Variants in HS6ST3 observed in about 807,000 individuals in gnomAD.
The protein encoded by HS6ST3 is heparan sulfate 6-O-sulfotransferase 3.
HS6ST3 carries 12 observed loss-of-function variants against 36.7 expected under a neutral mutation model. The observed-to-expected ratio is 0.33, with a 90% CI of 0.21 to 0.53. HS6ST3 has a LOEUF of 0.53. HS6ST3 is among the 20% of genes least tolerant of loss of function. HS6ST3 has a pLI of 0.95. For missense variants in HS6ST3, 584 were observed against 640.9 expected, an observed-to-expected ratio of 0.91 and a Z score of 0.96; for synonymous variants, 240 against 257.5, an observed-to-expected ratio of 0.93 and a Z score of 0.65.
Position 96,569,192 on chromosome 13 carries a change from C to T in HS6ST3, c.708-263298C>T, listed in dbSNP as rs143907332. Among the ~76,000 whole-genome samples, 398 of 152,296 alleles carry T rather than the reference C, an allele frequency of 2.6e-3. 1 individual carries two copies. The highest frequency in any genetic ancestry group is 9.1e-3 in the African/African-American group (377 of 41,558). On this transcript the variant is annotated intron_variant, in intron 1 of 1. Transcript: ENST00000376705. ...GGCATCATACTGAGCTTCTACTAGA[C>T]GTTCAATAGCTACTTGCCAAATTAC...
intron 1 of HS6ST3, among the ~76,000 whole-genome samples, chr13:96,786,995 ATGACCTTTTT>A (rs1877669075): frequency 6.6e-6 from 1 of 152,152 alleles, no homozygotes. Context: ...TCCATTTGAA[ATGACCTTTTT>A]TCACATAGCA....
rs539868601 is a variant in HS6ST3, at chr13:96,836,645, T to C, written c.*3447T>C. On this transcript the variant is annotated 3_prime_UTR_variant, in exon 2 of 2. Coordinates refer to ENST00000376705, the MANE Select transcript of HS6ST3 (RefSeq NM_153456.4). The stretch of plus-strand genomic sequence containing the variant: ...CCTTTAAGGTAATTTTTAAAAAAAA[T>C]CTGAGTAGAGATAGTACTAATATTG... 3 of 152,140 alleles carry C rather than the reference T, an allele frequency of 2.0e-5. No individual in the cohort carries two copies. Among genetic ancestry groups the C allele is most frequent in the Non-Finnish European group, 4.4e-5 (3 of 68,010 alleles). The allele number at this position is 152,140 out of a possible 1,614,324, so 9.4% of individuals were successfully genotyped here. A position where few individuals can be genotyped will look rare whatever the true frequency, so the allele number is the denominator to read the frequency against.
intron 1 of HS6ST3, among the ~76,000 whole-genome samples, chr13:96,440,395 G>C (rs1315023805): frequency 6.7e-6 from 1 of 148,716 alleles, no homozygotes; most frequent in African/African-American, 2.5e-5. Flanking sequence ...GCAGTGAGTC[G>C]AGGTTGTGCC....
chr13:96,169,872 A>T (rs1349388919), intron 1 of HS6ST3: 6 of 152,248 alleles, frequency 3.9e-5, no homozygotes, highest in African/African-American at 1.2e-4. Context: ...AAATAAGATA[A>T]AATTTTTTAA....
At chr13:96,108,941 T>C (rs2139298994) in intron 1 of HS6ST3, among the ~76,000 whole-genome samples, 1 of 142,926 alleles carries the variant, frequency 7.0e-6, no homozygotes, top group Admixed American at 7.0e-5. Context: ...GTTAAATCTG[T>C]GACAACCACT....
chr13:96,807,702 G>A (rs1226511970), intron 1 of HS6ST3, among the ~76,000 whole-genome samples: 1 of 151,926 alleles, frequency 6.6e-6, no homozygotes, highest in East Asian at 1.9e-4. Context: ...GCACAGAAAT[G>A]AAAAATACAA....
chr13:96,587,235 CTTTA>C (rs1250196453), intron 1 of HS6ST3, among the ~76,000 whole-genome samples: 2 of 151,776 alleles, frequency 1.3e-5, no homozygotes, highest in Non-Finnish European at 2.9e-5. Context: ...ATGCCTCCAG[CTTTA>C]TTTATTTATT....
At chr13:96,676,644 C>T (rs185601053) in intron 1 of HS6ST3, among the ~76,000 whole-genome samples, 1 of 152,182 alleles carries the variant, frequency 6.6e-6, no homozygotes, top group African/African-American at 2.4e-5. Flanking sequence ...TCTTGAAGTC[C>T]TTATTCCTGG....
chr13:96,401,376 G>A (rs1030552261), intron 1 of HS6ST3, among the ~76,000 whole-genome samples: 1 of 152,174 alleles, frequency 6.6e-6, no homozygotes, highest in African/African-American at 2.4e-5. Flanking sequence ...CAAAATGTCA[G>A]CTGTGTCAGG....
At position 96,171,361 on chromosome 13, in the gene HS6ST3, C is replaced by T. The variant is rs576292042; in HGVS notation, c.707+79792C>T. ...GTCAAAATGTCTTTTCTTTCTTTGG[C>T]GACAGGGAAGCATGGCCCAGCTGCA... On this transcript the variant is annotated intron_variant, in intron 1 of 1. Coordinates refer to ENST00000376705, the MANE Select transcript of HS6ST3 (RefSeq NM_153456.4). 9.2e-5 allele frequency among the ~76,000 whole-genome samples: 14 copies of T among 152,180 alleles called. No individual in the cohort carries two copies. The East Asian group carries it at 1.4e-3, about 15-fold the overall frequency.
intron 1 of HS6ST3, among the ~76,000 whole-genome samples, chr13:96,394,683 A>G (rs1413071216): frequency 3.3e-5 from 5 of 152,226 alleles, no homozygotes; most frequent in South Asian, 2.1e-4. Flanking sequence ...TAATCTTTGC[A>G]ATAAAGAGCT....
chr13:96,127,315 G>T (rs905380711), intron 1 of HS6ST3, among the ~76,000 whole-genome samples: 1 of 152,176 alleles, frequency 6.6e-6, no homozygotes, highest in Non-Finnish European at 1.5e-5. Context: ...GGAGGTCGGG[G>T]GATGGTTTTG....
intron 1 of HS6ST3, among the ~76,000 whole-genome samples, chr13:96,755,380 T>C (rs60942180): frequency 0.085 from 12,968 of 152,080 alleles, 1,037 homozygotes; most frequent in African/African-American, 0.2. Flanking sequence ...TTTTGTTTTT[T>C]TTGAGACAGA....
At chr13:96,192,895 A>G (rs1282639033) in intron 1 of HS6ST3, among the ~76,000 whole-genome samples, 1 of 152,186 alleles carries the variant, frequency 6.6e-6, no homozygotes, top group Non-Finnish European at 1.5e-5. Context: ...AAATGGTGCA[A>G]TATAAGGACG....
intron 1 of HS6ST3, among the ~76,000 whole-genome samples, chr13:96,436,677 G>C (rs749872198): frequency 6.6e-6 from 1 of 152,170 alleles, no homozygotes; most frequent in Non-Finnish European, 1.5e-5. Context: ...CAAGGTTTGC[G>C]CATTCAAAGA....
chr13:96,239,144 G>A (rs925722503), intron 1 of HS6ST3, among the ~76,000 whole-genome samples: 2 of 152,176 alleles, frequency 1.3e-5, no homozygotes, highest in African/African-American at 4.8e-5. Flanking sequence ...TTGCATTCAT[G>A]CAATGACTCA....
At chr13:96,424,109 T>C (rs886596542) in intron 1 of HS6ST3, among the ~76,000 whole-genome samples, 1 of 152,202 alleles carries the variant, frequency 6.6e-6, no homozygotes, top group African/African-American at 2.4e-5. Context: ...TAATATGAAA[T>C]CCAATTACAA....
At chr13:96,278,303 CT>C (rs1440448919) in intron 1 of HS6ST3, among the ~76,000 whole-genome samples, 4 of 152,100 alleles carry the variant, frequency 2.6e-5, no homozygotes, top group Non-Finnish European at 5.9e-5. Context: ...TCATCATGTC[CT>C]TTTCCAGCAT....
intron 1 of HS6ST3, among the ~76,000 whole-genome samples, chr13:96,803,304 T>C (rs1878126104): frequency 6.6e-6 from 1 of 152,210 alleles, no homozygotes; most frequent in Admixed American, 6.6e-5. Context: ...TTCTCATCTT[T>C]GCAGAGTTGA....
Sources: gnomAD v4.1 joint callset for allele counts (sites outside exome capture counted in the v4.1 genomes callset) on GRCh38, gnomAD v4.1.1 for gene constraint, MANE v1.5 for transcripts, NCBI Gene and HGNC (gene_info 2026-07-23, HGNC 2026-07-21) for gene names.